Variants in SH3BGRL2 observed in about 807,000 individuals in gnomAD.
The protein encoded by SH3BGRL2 is SH3 domain binding glutamate rich protein like 2, also known as SH3 domain-binding glutamic acid-rich-like protein 2.
Under a neutral mutation model 14.8 loss-of-function variants are expected in SH3BGRL2, and 21 were observed. The ratio of observed to expected loss-of-function variants is 1.42; its 90% CI spans 1.01 to 2.05. The LOEUF (loss-of-function observed/expected upper bound fraction) is 2.05. Among genes scored for constraint, SH3BGRL2 ranks in the 30% most tolerant of loss-of-function variants. The pLI is 0.00. For synonymous variants in SH3BGRL2, 50 were observed against 47.8 expected (o/e 1.05, Z -0.19); for missense variants, 147 against 130.8 (o/e 1.12, Z -0.61).
chr6:79,563,339 C>G, the SH3BGRL2 span, among the ~76,000 whole-genome samples: 2 of 151,694 alleles, frequency 1.3e-5, no homozygotes, highest in Non-Finnish European at 2.9e-5. Flanking sequence ...TCTGGAACTC[C>G]TGACCTCGTT....
At chr6:79,639,777 T>C (rs2127723444) in intron 1 of SH3BGRL2, among the ~76,000 whole-genome samples, 1 of 152,336 alleles carries the variant, frequency 6.6e-6, no homozygotes, top group Non-Finnish European at 1.5e-5. Flanking sequence ...AGGAATTCCT[T>C]TAAATGGGTA....
chr6:79,640,857 T>A, intron 1 of SH3BGRL2, among the ~76,000 whole-genome samples: 1 of 152,154 alleles, frequency 6.6e-6, no homozygotes, highest in Non-Finnish European at 1.5e-5. Context: ...TTCAGTCTAG[T>A]GGCTTTGAGA....
At chr6:79,563,358 C>G in the SH3BGRL2 span, among the ~76,000 whole-genome samples, 15 of 152,090 alleles carry the variant, frequency 9.9e-5, no homozygotes, top group Admixed American at 2.6e-4. Context: ...TTAACCCCCC[C>G]GCCTCGGCCT....
At chr6:79,651,800 C>G (rs1200843438) in intron 1 of SH3BGRL2, among the ~76,000 whole-genome samples, 3 of 152,036 alleles carry the variant, frequency 2.0e-5, no homozygotes, top group African/African-American at 4.8e-5. Context: ...TTGTGGTGAC[C>G]GTGGGTATAA....
chr6:79,544,690 A>G, the SH3BGRL2 span, among the ~76,000 whole-genome samples: 1 of 152,184 alleles, frequency 6.6e-6, no homozygotes, highest in East Asian at 1.9e-4. Flanking sequence ...GTAAAAATCA[A>G]AAATAAACCA....
the SH3BGRL2 span, among the ~76,000 whole-genome samples, chr6:79,609,583 G>A: frequency 2.0e-5 from 3 of 152,046 alleles, no homozygotes; most frequent in East Asian, 1.9e-4. Flanking sequence ...AGAACTATCC[G>A]AGTTCTGTTG....
chr6:79,656,724 T>TAA (rs1769426004), intron 1 of SH3BGRL2, among the ~76,000 whole-genome samples: 1 of 152,162 alleles, frequency 6.6e-6, no homozygotes, highest in South Asian at 2.1e-4. Context: ...ATTTAGAGTA[T>TAA]AAGGGAGGAT....
the SH3BGRL2 span, among the ~76,000 whole-genome samples, chr6:79,588,669 A>G: frequency 6.6e-6 from 1 of 152,222 alleles, no homozygotes; most frequent in African/African-American, 2.4e-5. Flanking sequence ...ATCATATGTC[A>G]TTATTTAATG....
chr6:79,685,443 CT>C (rs1360784382), intron 2 of SH3BGRL2, among the ~76,000 whole-genome samples: 1 of 152,146 alleles, frequency 6.6e-6, no homozygotes, highest in Admixed American at 6.6e-5. Context: ...AATATGTAGC[CT>C]TTTCATGAGG....
chr6:79,632,655 A>G (rs1050153750), intron 1 of SH3BGRL2, among the ~76,000 whole-genome samples: 1 of 152,028 alleles, frequency 6.6e-6, no homozygotes, highest in African/African-American at 2.4e-5. Flanking sequence ...AAGCCCCTCC[A>G]CCCCCATTTG....
chr6:79,633,230 G>A (rs1293484907), intron 1 of SH3BGRL2, among the ~76,000 whole-genome samples: 3 of 152,186 alleles, frequency 2.0e-5, no homozygotes, highest in East Asian at 1.9e-4. Context: ...AACTAGTGCA[G>A]TGTAAGCCTG....
At chr6:79,604,494 G>A in the SH3BGRL2 span, among the ~76,000 whole-genome samples, 7 of 152,152 alleles carry the variant, frequency 4.6e-5, no homozygotes, top group East Asian at 3.9e-4. Flanking sequence ...AGGAGCAAAC[G>A]CTCAGGAAAC....
the SH3BGRL2 span, among the ~76,000 whole-genome samples, chr6:79,594,665 G>A: frequency 3.9e-3 from 592 of 152,178 alleles, 2 homozygotes; most frequent in African/African-American, 0.014. Context: ...CAGCAGCTTC[G>A]GTAGCCATGG....
At chr6:79,538,408 C>T in the SH3BGRL2 span, among the ~76,000 whole-genome samples, 3 of 152,274 alleles carry the variant, frequency 2.0e-5, no homozygotes, top group African/African-American at 7.2e-5. Flanking sequence ...TTTATCCTGT[C>T]AATACATTTT....
At chr6:79,658,281 A>G (rs1769465041) in intron 1 of SH3BGRL2, among the ~76,000 whole-genome samples, 1 of 152,130 alleles carries the variant, frequency 6.6e-6, no homozygotes, top group Non-Finnish European at 1.5e-5. Context: ...TTCTAATGCT[A>G]TCCCTCACCC....
At chr6:79,664,769 C>T (rs986709419) in intron 1 of SH3BGRL2, among the ~76,000 whole-genome samples, 3 of 152,122 alleles carry the variant, frequency 2.0e-5, no homozygotes, top group South Asian at 2.1e-4. Flanking sequence ...AATGGAAAGA[C>T]GGAAAGATGT....
the SH3BGRL2 span, among the ~76,000 whole-genome samples, chr6:79,609,825 A>G: frequency 1.3e-5 from 2 of 152,348 alleles, no homozygotes; most frequent in Middle Eastern, 3.4e-3. Context: ...AGGCTTGTGA[A>G]CACACAGTTA....
At chr6:79,598,820 T>C in the SH3BGRL2 span, among the ~76,000 whole-genome samples, 4 of 151,608 alleles carry the variant, frequency 2.6e-5, no homozygotes, top group African/African-American at 9.7e-5. Flanking sequence ...CGGTGGCTCA[T>C]GCGTGTAATC....
intron 1 of SH3BGRL2, among the ~76,000 whole-genome samples, chr6:79,644,664 G>C (rs983472545): frequency 3.9e-5 from 6 of 152,104 alleles, no homozygotes; most frequent in Non-Finnish European, 7.4e-5. Flanking sequence ...TAATGGGCAA[G>C]GTGGCTGAAC....
Sources: gnomAD v4.1 joint callset for allele counts (sites outside exome capture counted in the v4.1 genomes callset) on GRCh38, gnomAD v4.1.1 for gene constraint, MANE v1.5 for transcripts, NCBI Gene and HGNC (gene_info 2026-07-23, HGNC 2026-07-21) for gene names.